The following LRCH4 variants were observed in gnomAD, a reference collection of about 807,000 sequenced individuals.
The protein encoded by LRCH4 is leucine rich repeats and calponin homology domain containing 4, also known as leucine-rich repeat and calponin homology domain-containing protein 4.
In LRCH4, 56 loss-of-function variants were observed where a neutral mutation model predicts 81.2. That is an observed-to-expected ratio of 0.69 (90% CI 0.56 to 0.86). LRCH4 has a LOEUF of 0.86. Among genes scored for constraint, LRCH4 ranks in the 40% least tolerant of loss-of-function variants. The pLI is 0.00. For missense variants in LRCH4, 895 were observed against 922.8 expected (o/e 0.97, Z 0.39); for synonymous variants, 442 against 409.7 (o/e 1.08, Z -0.95).
In LRCH4 at chr7:100,585,969, G is replaced by T. The variant is rs775804897; in HGVS notation, c.132C>A (p.Thr44=). Residue 44 remains threonine, a synonymous_variant, in exon 1 of 18, where the codon ACC becomes ACA. Transcript: ENST00000310300. The stretch of plus-strand genomic sequence containing the variant: ...GCCGGTTAGACAGGTTCAGGGTCCC[G>T]GTGGCCACGGCCTCCTCTAGGGCCC... ...AERALEEAVA[T]GTLNLSNRRL... 1 of 1,612,262 alleles carries T rather than the reference G, an allele frequency of 6.2e-7. No individual in the cohort carries two copies.
intron 15 of LRCH4, 29 bp from the exon 16 acceptor site, chr7:100,576,037 G>A (rs777083139): frequency 3.8e-6 from 6 of 1,585,838 alleles, no homozygotes; most frequent in Non-Finnish European, 4.3e-6. Context: ...TAGAGCAGGG[G>A]TCAGGGAAGG....
Position 100,577,154 on chromosome 7 carries a change from G to T in LRCH4, c.1296C>A (p.Ser432Arg). 1.9e-6 allele frequency: 3 copies of T among 1,614,000 alleles called. No individual in the cohort carries two copies. In the South Asian group the frequency reaches 3.3e-5, roughly 18 times the overall value. ...SGAWGAPRKD[S>R]LLKPGLRAVV... ...CAGCCCTGAGCCCTGGCTTCAAGAG[G>T]CTGGAACAAGGAGAGGTGGGGTCAG... The change falls in exon 12 of 18, where the codon AGC (serine) becomes AGA (arginine). Residue 432 changes from serine to arginine, a missense_variant and splice_region_variant. Around this residue, in one of 3 missense-constraint regions of LRCH4, gnomAD observed 529 missense variants for 504.9 expected, o/e 1.05. Transcript: ENST00000310300. The surrounding 1 kb of genome is among the most constrained non-coding windows in gnomAD (Gnocchi z 6.7).
At position 100,582,522 on chromosome 7, in the gene LRCH4, C is replaced by A. The variant is rs1054961139; in HGVS notation, c.221-63G>T. ...GCCCAGCCCGGACAGGACCTTCAGTCCCCCCAGAGCCGGCTGCCCACTCCC... is the reference window on the plus strand; with the variant it reads ...GCCCAGCCCGGACAGGACCTTCAGTACCCCCAGAGCCGGCTGCCCACTCCC... On this transcript the variant is annotated intron_variant, in intron 1 of 17. Coordinates refer to ENST00000310300, the MANE Select transcript of LRCH4 (RefSeq NM_002319.5). The surrounding 1 kb of genome is among the most constrained non-coding windows in gnomAD (Gnocchi z 5.0). 38 of 1,524,130 alleles carry A rather than the reference C, an allele frequency of 2.5e-5. No individual in the cohort carries two copies. The highest frequency in any genetic ancestry group is 3.2e-5 in the Non-Finnish European group (36 of 1,130,928). 94.4% of individuals were successfully genotyped at this position (1,524,130 alleles called of 1,614,324 possible). A position where few individuals can be genotyped will look rare whatever the true frequency, so the allele number is the denominator to read the frequency against.
chr7:100,574,725 A>G lies in LRCH4; in HGVS notation c.*382T>C. On this transcript the variant is annotated 3_prime_UTR_variant, in exon 18 of 18. Coordinates refer to ENST00000310300, the MANE Select transcript of LRCH4 (RefSeq NM_002319.5). Reference sequence around the variant, plus strand: ...CTGGGCCCCGAACCCCTACAAATATAGATCCTCTCTACAAAATAGAGATAA... The same window carrying G: ...CTGGGCCCCGAACCCCTACAAATATGGATCCTCTCTACAAAATAGAGATAA... 4.9e-6 allele frequency: 1 copy of G among 205,572 alleles called. No homozygotes were observed. Among genetic ancestry groups the G allele is most frequent in the Non-Finnish European group, 1.0e-5 (1 of 100,142 alleles). 12.7% of individuals were successfully genotyped at this position (205,572 alleles called of 1,614,324 possible).
chr7:100,584,518 T>A (rs1260327344), intron 1 of LRCH4, among the ~76,000 whole-genome samples: 1 of 146,378 alleles, frequency 6.8e-6, no homozygotes, highest in East Asian at 2.1e-4. Context: ...AAGTAAAGAA[T>A]AACATTTGGT....
At position 100,576,248 on chromosome 7, in the gene LRCH4, TGA is replaced by T. The variant is rs1801354819; in HGVS notation, c.1626_1627del (p.Gln543AlafsTer6). 6.2e-7 allele frequency: 1 copy of T among 1,613,934 alleles called. No homozygotes were observed. The highest frequency in any genetic ancestry group is 1.3e-5 in the African/African-American group (1 of 74,922). On this transcript the variant is annotated frameshift_variant, in exon 15 of 18. Transcript: ENST00000310300. LOFTEE classifies it high-confidence loss of function. ...CCCGCCTCTGCTCACCTGGCGCAGC[TGA>T]GTCATTAAGTCCTTCTCATCTGGAA... is the stretch of plus-strand genomic sequence containing the variant.
At position 100,579,042 on chromosome 7, in the gene LRCH4, C is replaced by A. The variant is rs548032509; in HGVS notation, c.599-256G>T. On this transcript the variant is annotated intron_variant, in intron 4 of 17. Coordinates refer to ENST00000310300, the MANE Select transcript of LRCH4 (RefSeq NM_002319.5). ...GCTTCCCCGGGAAGGCCCATCCGGA[C>A]GTCAGGTCCCGCCCAGCCCTGTCTG... 7.7e-6 allele frequency: 4 copies of A among 516,696 alleles called. No homozygotes were observed. In the East Asian group the frequency reaches 1.4e-4, roughly 18 times the overall value. 32.0% of individuals were successfully genotyped at this position (516,696 alleles called of 1,614,324 possible). A position where few individuals can be genotyped will look rare whatever the true frequency, so the allele number is the denominator to read the frequency against.
Position 100,578,911 on chromosome 7 carries a change from G to A in LRCH4, c.599-125C>T, listed in dbSNP as rs1217926302. 5.9e-6 allele frequency: 6 copies of A among 1,010,904 alleles called. No individual in the cohort carries two copies. The highest frequency in any genetic ancestry group is 8.7e-6 in the Non-Finnish European group (6 of 693,614). 62.6% of individuals were successfully genotyped at this position (1,010,904 alleles called of 1,614,324 possible). A position where few individuals can be genotyped will look rare whatever the true frequency, so the allele number is the denominator to read the frequency against. ...CCCAGCACAGCCTCTCCCCTGGGTG[G>A]CTCAAGTCATTCCCCGGGAGAAACC... On this transcript the variant is annotated intron_variant, in intron 4 of 17. Coordinates refer to ENST00000310300, the MANE Select transcript of LRCH4 (RefSeq NM_002319.5). The surrounding 1 kb of genome is among the most constrained non-coding windows in gnomAD (Gnocchi z 5.7).
At position 100,578,345 on chromosome 7, in the gene LRCH4, C is replaced by G. The variant is rs1444764473; in HGVS notation, c.848+54G>C. ...CCAGAAAGCAGGGGGTGCCTGGGGCCGGGAAGGGGCATTCAGTATCCCAGG... is the reference window on the plus strand; with the variant it reads ...CCAGAAAGCAGGGGGTGCCTGGGGCGGGGAAGGGGCATTCAGTATCCCAGG... On this transcript the variant is annotated intron_variant, in intron 6 of 17. Coordinates refer to ENST00000310300, the MANE Select transcript of LRCH4 (RefSeq NM_002319.5). The surrounding 1 kb of genome is among the most constrained non-coding windows in gnomAD (Gnocchi z 5.7). The G allele has an allele frequency of 3.7e-6, 6 of 1,601,054 alleles. No individual in the cohort carries two copies. The highest frequency in any genetic ancestry group is 5.1e-6 in the Non-Finnish European group (6 of 1,168,544).
intron 4 of LRCH4, chr7:100,580,510 AT>A (rs1801502290): frequency 6.6e-6 from 1 of 152,114 alleles, no homozygotes; most frequent in South Asian, 2.1e-4. Flanking sequence ...CAACACACAC[AT>A]AAACATACAC....
rs765405063 is a variant in LRCH4, at chr7:100,583,814, ATGTGTTTG to A, written c.221-1363_221-1356del. Among the ~76,000 whole-genome samples, 5 of 152,046 alleles carry A rather than the reference ATGTGTTTG, an allele frequency of 3.3e-5. No homozygotes were observed. The East Asian group carries it at 9.7e-4, about 29-fold the overall frequency. On this transcript the variant is annotated intron_variant, in intron 1 of 17. Coordinates refer to ENST00000310300, the MANE Select transcript of LRCH4 (RefSeq NM_002319.5). The surrounding 1 kb of genome is among the most constrained non-coding windows in gnomAD (Gnocchi z 4.3). ...CTCCACCTGCCCGCTTTCTCTGCAA[ATGTGTTTG>A]TGTGTGTGCATGTGGACGAAGGGGG... is the stretch of plus-strand genomic sequence containing the variant.
rs780893020 is a variant in LRCH4, at chr7:100,581,821, C to T, written c.554G>A (p.Arg185Gln). 6.2e-5 allele frequency: 100 copies of T among 1,614,190 alleles called. No individual in the cohort carries two copies. The highest frequency in any genetic ancestry group is 6.1e-5 in the Non-Finnish European group (72 of 1,180,036). The change falls in exon 4 of 18, where the codon CGG becomes CAG. Residue 185 changes from arginine to glutamine, a missense_variant. By Grantham distance (43) the Arg-to-Gln change is conservative. Around this residue, in one of 3 missense-constraint regions of LRCH4, gnomAD observed 360 missense variants for 397.0 expected, o/e 0.91. Transcript: ENST00000310300. ...PSELCGLSSL[R>Q]DLNVRRNQLS... ...CTGGTTCCTCCGGACATTGAGGTCCCGCAGGGAAGAGAGGCCACACAGTTC... is the reference window on the plus strand; with the variant it reads ...CTGGTTCCTCCGGACATTGAGGTCCTGCAGGGAAGAGAGGCCACACAGTTC...
Position 100,576,692 on chromosome 7 carries a change from A to G in LRCH4, c.1552+2T>C. The G allele has an allele frequency of 6.3e-7, 1 of 1,584,502 alleles. No individual in the cohort carries two copies. The highest frequency in any genetic ancestry group is 8.6e-7 in the Non-Finnish European group (1 of 1,165,362). ...CAGCACTGGGGAGGGCAGGACACCC[A>G]CCTGAGCCACTCTGAGAGGAGGAAC... On this transcript the variant is annotated splice_donor_variant, in intron 14 of 17. Coordinates refer to ENST00000310300, the MANE Select transcript of LRCH4 (RefSeq NM_002319.5). LOFTEE classifies it high-confidence loss of function.
rs149064405 is a variant in LRCH4, at chr7:100,575,196, G to A, written c.1963C>T (p.Pro655Ser). 2.3e-5 allele frequency: 37 copies of A among 1,612,592 alleles called. No individual in the cohort carries two copies. The highest frequency in any genetic ancestry group is 2.8e-5 in the Non-Finnish European group (33 of 1,179,414). Residue 655 changes from proline to serine, a missense_variant, in exon 18 of 18, where the codon CCC becomes TCC. Around this residue, in one of 3 missense-constraint regions of LRCH4, gnomAD observed 529 missense variants for 504.9 expected, o/e 1.05. Coordinates refer to ENST00000310300, the MANE Select transcript of LRCH4 (RefSeq NM_002319.5). This position sits in a 1 kb window ranked among gnomAD's most constrained non-coding sequence, Gnocchi z 5.3. ...ACGAAGCCGCCCAGACCAGAGGGGG[G>A]CCAGAGGGGCGGTAGGGCCTTGCCC... ...VGGKALPPLW[P>S]PSGLGGFVVF... is the part of the protein sequence containing the mutation.
intron 1 of LRCH4, among the ~76,000 whole-genome samples, chr7:100,584,463 G>A (rs886960433): frequency 9.9e-5 from 15 of 151,988 alleles, no homozygotes; most frequent in Non-Finnish European, 1.9e-4. Context: ...GGGGAGCTCC[G>A]GGTAGTTTTC....
chr7:100,580,867 C>G (rs1313721564), intron 4 of LRCH4: 1 of 152,132 alleles, frequency 6.6e-6, no homozygotes, highest in Non-Finnish European at 1.5e-5. Context: ...CACACATACA[C>G]AAACACATAC....
rs369819112 is a variant in LRCH4, at chr7:100,578,305, C to G, written c.849-47G>C. 15 of 1,599,028 alleles carry G rather than the reference C, an allele frequency of 9.4e-6. No homozygotes were observed. Among genetic ancestry groups the G allele is most frequent in the Non-Finnish European group, 1.1e-5 (13 of 1,166,440 alleles). ...TGGTCAGCCTGATGCTGGACAACAG[C>G]CCCCCATCCTCCTGCCAGAAAGCAG... is the stretch of plus-strand genomic sequence containing the variant. On this transcript the variant is annotated intron_variant, in intron 6 of 17. Coordinates refer to ENST00000310300, the MANE Select transcript of LRCH4 (RefSeq NM_002319.5). This position sits in a 1 kb window ranked among gnomAD's most constrained non-coding sequence, Gnocchi z 5.7.
At position 100,578,830 on chromosome 7, in the gene LRCH4, C is replaced by G. The variant is rs764382357; in HGVS notation, c.599-44G>C. 11 of 1,594,774 alleles carry G rather than the reference C, an allele frequency of 6.9e-6. No individual in the cohort carries two copies. The South Asian group carries it at 1.2e-4, about 18-fold the overall frequency. Reference sequence around the variant, plus strand: ...GGAAAAGTCAGGAACATGCTCAGGGCTGTGGCCTCGTGCTCACTCCCTCAC... The same window carrying G: ...GGAAAAGTCAGGAACATGCTCAGGGGTGTGGCCTCGTGCTCACTCCCTCAC... On this transcript the variant is annotated intron_variant, in intron 4 of 17. Transcript: ENST00000310300. This position sits in a 1 kb window ranked among gnomAD's most constrained non-coding sequence, Gnocchi z 5.7.
chr7:100,578,686 C>G lies in LRCH4; in HGVS notation c.699G>C (p.Leu233=). ...GACTCTGCAGAGGGTTGCTGTCCAG[C>G]AGAATGACCTGCAGGTGCCTCAGGC... The part of the protein sequence containing the change: ...FCRLRHLQVI[L]LDSNPLQSPP... Residue 233 remains leucine, a synonymous_variant, in exon 5 of 18, where the codon CTG becomes CTC. Transcript: ENST00000310300. This position sits in a 1 kb window ranked among gnomAD's most constrained non-coding sequence, Gnocchi z 5.7. 6.2e-7 allele frequency: 1 copy of G among 1,614,182 alleles called. No homozygotes were observed. The highest frequency in any genetic ancestry group is 1.7e-5 in the Admixed American group (1 of 60,028).
Sources: allele counts gnomAD v4.1 joint callset (sites outside exome capture counted in the v4.1 genomes callset), GRCh38; gene constraint gnomAD v4.1.1; regional missense constraint gnomAD v4.1.1; non-coding constraint Gnocchi (gnomAD v3.1); transcripts MANE v1.5; gene names NCBI Gene and HGNC (gene_info 2026-07-23, HGNC 2026-07-21).